RIPK4: variants seen among roughly 807,000 people sequenced by gnomAD.
The protein encoded by RIPK4 is receptor interacting serine/threonine kinase 4.
A neutral mutation model predicts 42.9 loss-of-function variants in RIPK4; 17 were observed. The ratio of observed to expected loss-of-function variants is 0.40; its 90% confidence interval spans 0.27 to 0.59. The LOEUF (loss-of-function observed/expected upper bound fraction) is 0.59, where lower values mean the gene tolerates loss of function less well. Ranked by LOEUF, RIPK4 falls within the 20% of genes least tolerant of loss-of-function variation. The probability of loss-of-function intolerance (pLI) is 0.47; values close to 1 mark genes in which losing one functional copy is unlikely to be tolerated. For synonymous variants in RIPK4, 498 were observed against 499.1 expected (o/e 1.00, Z 0.03); for missense variants, 897 against 1,104.4 (o/e 0.81, Z 2.66).
At chr21:41,749,072 G>T in intron 4 of RIPK4, 82 bp downstream of exon 4, 1 of 1,441,744 alleles carries the variant, frequency 6.9e-7, no homozygotes, top group Non-Finnish European at 9.7e-7. Flanking sequence ...CTCTGTTTTA[G>T]GATAGAGAAA....
intron 1 of RIPK4, among the ~76,000 whole-genome samples, chr21:41,766,280 G>A (rs999721187): frequency 6.6e-6 from 1 of 152,246 alleles, no homozygotes; most frequent in African/African-American, 2.4e-5. Context: ...AGCCTCGCCC[G>A]AGCCAAGCCG....
rs1439931355 is a variant in RIPK4, at chr21:41,741,461, C to T, written c.1732G>A (p.Ala578Thr). 1.2e-6 allele frequency: 2 copies of T among 1,612,816 alleles called. No individual in the cohort carries two copies. The highest frequency in any genetic ancestry group is 1.1e-5 in the South Asian group (1 of 91,082). ...KDAWLPLHYA[A>T]WQGHLPIVKL... The stretch of plus-strand genomic sequence containing the variant: ...ACGATGGGCAGGTGGCCCTGCCAGG[C>T]AGCGTAGTGCAGTGGCAGCCAGGCA... Residue 578 changes from alanine to threonine, a missense_variant, in exon 8 of 8, where the codon GCC becomes ACC. By Grantham distance (58) the Ala-to-Thr change is moderately conservative (BLOSUM62 0). Coordinates refer to ENST00000332512, the MANE Select transcript of RIPK4 (RefSeq NM_020639.3).
Position 41,745,856 on chromosome 21 carries a change from G to C in RIPK4, c.839C>G (p.Thr280Ser), listed in dbSNP as rs1306053484. Residue 280 changes from threonine to serine, a missense_variant, in exon 6 of 8, where the codon ACT (threonine) becomes AGT (serine). Transcript: ENST00000332512. ...PRVRPTFQEITSETEDLCEKP... is the reference protein window; with the variant it reads ...PRVRPTFQEISSETEDLCEKP... ...TTCACACAGGTCCTCGGTTTCAGAA[G>C]TAATTTCTTGTGGGGAAGAAAGGGG... is the stretch of plus-strand genomic sequence containing the variant. The C allele has an allele frequency of 6.2e-7, 1 of 1,613,194 alleles. No homozygotes were observed. Among genetic ancestry groups the C allele is most frequent in the Non-Finnish European group, 8.5e-7 (1 of 1,179,112 alleles).
Position 41,740,766 on chromosome 21 carries a change from G to A in RIPK4, c.*72C>T, listed in dbSNP as rs1193530619. On this transcript the variant is annotated 3_prime_UTR_variant, in exon 8 of 8. Transcript: ENST00000332512. The stretch of plus-strand genomic sequence containing the variant: ...CCACAACAGGGCCCCACGCAGGATC[G>A]TTCCATCCCCACGAGGAACACAGGA... 25 of 1,454,486 alleles carry A rather than the reference G, an allele frequency of 1.7e-5. No homozygotes were observed. Among genetic ancestry groups the A allele is most frequent in the African/African-American group, 2.8e-5 (2 of 71,034 alleles). The allele number at this position is 1,454,486 out of a possible 1,614,324, so 90.1% of individuals were successfully genotyped here.
rs1601674137 is a variant in RIPK4, at chr21:41,742,138, C to T, written c.1196-141G>A. 7 of 769,032 alleles carry T rather than the reference C, an allele frequency of 9.1e-6. No homozygotes were observed. The highest frequency in any genetic ancestry group is 2.5e-5 in the East Asian group (1 of 39,788). The allele number at this position is 769,032 out of a possible 1,614,324, so 47.6% of individuals were successfully genotyped here. On this transcript the variant is annotated intron_variant, in intron 7 of 7. Coordinates refer to ENST00000332512, the MANE Select transcript of RIPK4 (RefSeq NM_020639.3). This position sits in a 1 kb window ranked among gnomAD's most constrained non-coding sequence, Gnocchi z 5.1. ...CGCTGGTCACCCGACTGTGTTTGAG[C>T]GTTGTCTGTGCCTCGTGATTAAGGT...
rs1033587368 is a variant in RIPK4 at position 41,741,230 on chromosome 21, G to A, written c.1963C>T (p.Leu655=). Residue 655 remains leucine (L), a synonymous_variant, in exon 8 of 8, where the codon CTG becomes TTG. Coordinates refer to ENST00000332512, the MANE Select transcript of RIPK4 (RefSeq NM_020639.3). ...TTGCCAGCGCCCCGATGCAGGAGCA[G>A]CCTGGCAGTGCTCGTGTGCCCCGTC... The part of the protein sequence containing the change: ...AETGHTSTAR[L]LLHRGAGKEA... The A allele has an allele frequency of 2.5e-6, 4 of 1,609,162 alleles. No homozygotes were observed. Among genetic ancestry groups the A allele is most frequent in the Admixed American group, 3.3e-5 (2 of 59,896 alleles).
chr21:41,760,772 G>A lies in RIPK4; in HGVS notation c.183-3956C>T, dbSNP rs558671164. Among the ~76,000 whole-genome samples the A allele has an allele frequency of 2.0e-4, 31 of 152,240 alleles. No homozygotes were observed. In the South Asian group the frequency reaches 6.4e-3, roughly 32 times the overall value. ...GGAGCAGCTGGGGGGTGTGGGGGGT[G>A]GGCAGGTCGAGTGTGTCTGAATACA... On this transcript the variant is annotated intron_variant, in intron 1 of 7. Coordinates refer to ENST00000332512, the MANE Select transcript of RIPK4 (RefSeq NM_020639.3).
chr21:41,746,667 G>GT lies in RIPK4; in HGVS notation c.777dup (p.Arg260ThrfsTer14), dbSNP rs1354268287. 2.5e-6 allele frequency: 4 copies of GT among 1,611,308 alleles called. No homozygotes were observed. The highest frequency in any genetic ancestry group is 3.4e-6 in the Non-Finnish European group (4 of 1,179,862). ...CCCTGCCAGCACCGCTGCATGAGGC[G>GT]TATCAGGTGGCTGCAGGCGCGCGGC... On this transcript the variant is annotated frameshift_variant, in exon 5 of 8. Coordinates refer to ENST00000332512, the MANE Select transcript of RIPK4 (RefSeq NM_020639.3). LOFTEE classifies it high-confidence loss of function.
Position 41,740,878 on chromosome 21 carries a change from T to C in RIPK4, c.2315A>G (p.His772Arg), listed in dbSNP as rs2061150530. The change falls in exon 8 of 8, where the codon CAT (histidine) becomes CGT (arginine). Residue 772 changes from histidine (H) to arginine (R), a missense_variant. Transcript: ENST00000332512. Reference sequence around the variant, plus strand: ...CCGCAGGAGCGTGGCGGCGGGGCCATGGCCGCCCTGGAACTTGAGGCTCTG... The same window carrying C: ...CCGCAGGAGCGTGGCGGCGGGGCCACGGCCGCCCTGGAACTTGAGGCTCTG... ...NLQSLKFQGG[H>R]GPAATLLRRS... The C allele has an allele frequency of 6.2e-7, 1 of 1,611,282 alleles. No homozygotes were observed. The highest frequency in any genetic ancestry group is 8.5e-7 in the Non-Finnish European group (1 of 1,179,200).
intron 2 of RIPK4, among the ~76,000 whole-genome samples, chr21:41,756,217 AC>A (rs1207131826): frequency 1.3e-5 from 2 of 152,160 alleles, no homozygotes; most frequent in Non-Finnish European, 2.9e-5. Flanking sequence ...ATTTCATAAG[AC>A]CAAAACCCAC....
At chr21:41,753,167 C>G (rs985501284) in intron 2 of RIPK4, among the ~76,000 whole-genome samples, 1 of 152,126 alleles carries the variant, frequency 6.6e-6, no homozygotes, top group African/African-American at 2.4e-5. Flanking sequence ...TGGCCCTGGA[C>G]TATTAGCCTC....
chr21:41,749,803 G>A (rs898318060), intron 3 of RIPK4, among the ~76,000 whole-genome samples: 14 of 151,574 alleles, frequency 9.2e-5, no homozygotes, highest in East Asian at 1.9e-4. Flanking sequence ...GCCTTTTTCG[G>A]GGGCTGCTTA....
In RIPK4 at chr21:41,742,195, C is replaced by G. The variant is rs557146721; in HGVS notation, c.1196-198G>C. ...TAGCGGGAGCCCCGGGGCAGGCTGGCGAATGTCTCCCAGGTGCTCGTTAGT... is the reference window on the plus strand; with the variant it reads ...TAGCGGGAGCCCCGGGGCAGGCTGGGGAATGTCTCCCAGGTGCTCGTTAGT... On this transcript the variant is annotated intron_variant, in intron 7 of 7. Coordinates refer to ENST00000332512, the MANE Select transcript of RIPK4 (RefSeq NM_020639.3). The surrounding 1 kb of genome is among the most constrained non-coding windows in gnomAD (Gnocchi z 5.1). Among the ~76,000 whole-genome samples, 24 of 152,214 alleles carry G rather than the reference C, an allele frequency of 1.6e-4. No homozygotes were observed. The highest frequency in any genetic ancestry group is 1.4e-3 in the Admixed American group (21 of 15,296).
At chr21:41,754,482 C>T (rs562704653) in intron 2 of RIPK4, among the ~76,000 whole-genome samples, 12 of 152,306 alleles carry the variant, frequency 7.9e-5, no homozygotes, top group African/African-American at 2.2e-4. Flanking sequence ...CCTGTCACTT[C>T]CTGGCCAGCA....
Position 41,741,280 on chromosome 21 carries a change from T to C in RIPK4, c.1913A>G (p.Gln638Arg), listed in dbSNP as rs1485191752. Residue 638 changes from glutamine (Q) to arginine (R), a missense_variant, in exon 8 of 8, where the codon CAG (glutamine) becomes CGG (arginine). Gln to Arg is a conservative substitution (Grantham distance 43). Transcript: ENST00000332512. ...SDVNVCSLLA[Q>R]TPLHVAAETG... is the part of the protein sequence containing the mutation. ...CTCCGCGGCCACGTGCAGGGGTGTC[T>C]GTGCCAGCAGGCTGCAGACGTTGAC... 6.2e-7 allele frequency: 1 copy of C among 1,608,126 alleles called. No individual in the cohort carries two copies. Among genetic ancestry groups the C allele is most frequent in the Admixed American group, 1.7e-5 (1 of 59,968 alleles).
intron 1 of RIPK4, among the ~76,000 whole-genome samples, chr21:41,758,307 A>G (rs2061211295): frequency 6.6e-6 from 1 of 152,156 alleles, no homozygotes. Flanking sequence ...TCATATAAGC[A>G]TAAGCATATA....
chr21:41,766,261 C>A (rs1366876254), intron 1 of RIPK4, among the ~76,000 whole-genome samples: 2 of 152,224 alleles, frequency 1.3e-5, no homozygotes, highest in African/African-American at 4.8e-5. Flanking sequence ...AAGCGCCGGG[C>A]GCCCGGGAAG....
chr21:41,741,020 C>T lies in RIPK4; in HGVS notation c.2173G>A (p.Ala725Thr), dbSNP rs1033083683. 8.1e-5 allele frequency: 130 copies of T among 1,609,384 alleles called. No homozygotes were observed. The highest frequency in any genetic ancestry group is 1.0e-4 in the Non-Finnish European group (118 of 1,179,452). The part of the protein sequence containing the change: ...HSEVVEELVS[A>T]DVIDLFDEQG... The stretch of plus-strand genomic sequence containing the variant: ...TCGTCGAACAGGTCAATGACATCGG[C>T]GCTGACCAACTCCTCCACCACCTCC... The change falls in exon 8 of 8, where the codon GCC (alanine) becomes ACC (threonine). Residue 725 changes from alanine to threonine, a missense_variant. Coordinates refer to ENST00000332512, the MANE Select transcript of RIPK4 (RefSeq NM_020639.3).
intron 3 of RIPK4, among the ~76,000 whole-genome samples, chr21:41,749,982 C>T (rs556152311): frequency 6.6e-6 from 1 of 151,506 alleles, no homozygotes; most frequent in Non-Finnish European, 1.5e-5. Flanking sequence ...TTATAGACAA[C>T]GAATTCACCA....
Sources: allele counts gnomAD v4.1 joint callset (sites outside exome capture counted in the v4.1 genomes callset), GRCh38; gene constraint gnomAD v4.1.1; non-coding constraint Gnocchi (gnomAD v3.1); transcripts MANE v1.5; gene names NCBI Gene and HGNC (gene_info 2026-07-23, HGNC 2026-07-21).